Variants in RBFOX3 observed in about 807,000 individuals in gnomAD.
RBFOX3 encodes the protein RNA binding fox-1 homolog 3, also known as RNA binding protein fox-1 homolog 3.
A neutral mutation model predicts 48.7 loss-of-function variants in RBFOX3; 17 were observed. The ratio of observed to expected loss-of-function variants is 0.35; its 90% confidence interval spans 0.24 to 0.52. The LOEUF is 0.52. Ranked by LOEUF, RBFOX3 falls within the 20% of genes least tolerant of loss-of-function variation. RBFOX3 has a pLI of 0.94. For missense variants in RBFOX3, 382 were observed against 497.5 expected (o/e 0.77, Z 2.21); for synonymous variants, 212 against 209.5 (o/e 1.01, Z -0.10).
chr17:79,606,914 C>T (rs1250574158), intron 1 of RBFOX3, among the ~76,000 whole-genome samples: 7 of 152,084 alleles, frequency 4.6e-5, no homozygotes, highest in South Asian at 2.1e-4. Flanking sequence ...AAGAGATAGA[C>T]GGACAGGGAG....
At chr17:79,611,169 T>TCTCTCTCGCTCTCGCTCTCG, upstream of RBFOX3, among the ~76,000 whole-genome samples, 208 of 25,934 alleles carry the variant, frequency 8.0e-3, 38 homozygotes, top group Non-Finnish European at 0.013. Context: ...TCTCTCTCTC[T>TCTCTCTCGCTCTCGCTCTCG]CTCTCCGCCC....
chr17:79,440,030 GC>G (rs1355352463), intron 2 of RBFOX3, among the ~76,000 whole-genome samples: 12 of 65,114 alleles, frequency 1.8e-4, no homozygotes, highest in African/African-American at 7.0e-4. Flanking sequence ...TCATGAGGCT[GC>G]CCGAGCCTCA....
At chr17:79,108,550 T>C (rs950398998) in intron 5 of RBFOX3, among the ~76,000 whole-genome samples, 1 of 152,116 alleles carries the variant, frequency 6.6e-6, no homozygotes, top group Non-Finnish European at 1.5e-5. Context: ...GCAAAGGAAA[T>C]GGAGCCAGGG....
At position 79,477,886 on chromosome 17, in the gene RBFOX3, G is replaced by C. The variant is rs2078170035; in HGVS notation, c.-175+4568C>G. Among the ~76,000 whole-genome samples, 1 of 152,164 alleles carries C rather than the reference G, an allele frequency of 6.6e-6. No individual in the cohort carries two copies. The highest frequency in any genetic ancestry group is 2.4e-5 in the African/African-American group (1 of 41,442). On this transcript the variant is annotated intron_variant, in intron 2 of 14. Coordinates refer to ENST00000693108, the MANE Select transcript of RBFOX3 (RefSeq NM_001350451.2). This position sits in a 1 kb window ranked among gnomAD's most constrained non-coding sequence, Gnocchi z 4.8. ...AATATTGGATCCAAGAAGGAAATAA[G>C]ATGCCCCTGTAGGAAGGAGAGACCC...
the RBFOX3 span, among the ~76,000 whole-genome samples, chr17:79,625,491 A>T: frequency 2.0e-5 from 3 of 152,316 alleles, no homozygotes; most frequent in Non-Finnish European, 4.4e-5. Flanking sequence ...TTTTATTTTT[A>T]AAAATAAGTG....
intron 1 of RBFOX3, among the ~76,000 whole-genome samples, chr17:79,604,466 T>C (rs1179618256): frequency 2.1e-5 from 3 of 146,330 alleles, no homozygotes; most frequent in Non-Finnish European, 4.5e-5. Context: ...TTCTTGCCAT[T>C]GCTTTTTAAA....
At chr17:79,173,848 T>C (rs9907316) in intron 4 of RBFOX3, among the ~76,000 whole-genome samples, 86,937 of 149,982 alleles carry the variant, frequency 0.58, 25,227 homozygotes, top group East Asian at 0.64. Flanking sequence ...CATGGGTCAT[T>C]CTGAGACCCT....
At chr17:79,515,057 A>C (rs909772640) in intron 1 of RBFOX3, among the ~76,000 whole-genome samples, 17 of 152,162 alleles carry the variant, frequency 1.1e-4, no homozygotes, top group Admixed American at 7.9e-4. Flanking sequence ...CTGAGGCAGA[A>C]GTTGGCCTCT....
intron 2 of RBFOX3, among the ~76,000 whole-genome samples, chr17:79,375,340 CCA>C (rs1285216243): frequency 7.0e-6 from 1 of 143,790 alleles, no homozygotes; most frequent in African/African-American, 2.6e-5. Flanking sequence ...AGCTGCTGGT[CCA>C]GTTAGGAAGA....
At chr17:79,474,636 G>C (rs1030267730) in intron 2 of RBFOX3, among the ~76,000 whole-genome samples, 1 of 151,928 alleles carries the variant, frequency 6.6e-6, no homozygotes, top group Admixed American at 6.6e-5. Context: ...GTGTACCCAG[G>C]ATCTATTTTC....
chr17:79,650,533 G>A, the RBFOX3 span, among the ~76,000 whole-genome samples: 1 of 152,114 alleles, frequency 6.6e-6, no homozygotes, highest in Non-Finnish European at 1.5e-5. Flanking sequence ...ATTTCCACTA[G>A]GACGTGAACC....
the RBFOX3 span, among the ~76,000 whole-genome samples, chr17:79,617,000 C>T: frequency 6.6e-6 from 1 of 152,204 alleles, no homozygotes; most frequent in African/African-American, 2.4e-5. Flanking sequence ...CACACCCAGC[C>T]TCAGCCTCAG....
chr17:79,268,335 A>C (rs2067084899), intron 3 of RBFOX3, among the ~76,000 whole-genome samples: 1 of 151,892 alleles, frequency 6.6e-6, no homozygotes, highest in Non-Finnish European at 1.5e-5. Context: ...CCCCTACTCA[A>C]AAGTTCTCCC....
intron 2 of RBFOX3, among the ~76,000 whole-genome samples, chr17:79,397,534 AG>A (rs375979495): frequency 1.3e-5 from 2 of 150,142 alleles, no homozygotes; most frequent in African/African-American, 4.9e-5. Flanking sequence ...CCAGAAGTTT[AG>A]AAAAGCCCAT....
chr17:79,390,111 C>A lies in RBFOX3; in HGVS notation c.-174-82287G>T, dbSNP rs2061188895. On this transcript the variant is annotated intron_variant, in intron 2 of 14. Coordinates refer to ENST00000693108, the MANE Select transcript of RBFOX3 (RefSeq NM_001350451.2). The surrounding 1 kb of genome is among the most constrained non-coding windows in gnomAD (Gnocchi z 4.2). ...GCAGCCTCCGGGTCTCCGTAGCCAG[C>A]CACCCGGCCGAGGGGCTGGGTCCAC... Among the ~76,000 whole-genome samples the A allele has an allele frequency of 6.6e-6, 1 of 152,192 alleles. No homozygotes were observed. The highest frequency in any genetic ancestry group is 1.5e-5 in the Non-Finnish European group (1 of 68,046).
chr17:79,562,680 G>A (rs1376462405), intron 1 of RBFOX3, among the ~76,000 whole-genome samples: 1 of 152,186 alleles, frequency 6.6e-6, no homozygotes, highest in Non-Finnish European at 1.5e-5. Context: ...GTCTGGGGGC[G>A]CCAGAGAAAG....
the RBFOX3 span, among the ~76,000 whole-genome samples, chr17:79,639,731 G>GA: frequency 6.6e-6 from 1 of 152,246 alleles, no homozygotes; most frequent in African/African-American, 2.4e-5. Context: ...GAATGAAAGG[G>GA]AAAATCTATA....
At chr17:79,553,290 T>G (rs2091324032) in intron 1 of RBFOX3, among the ~76,000 whole-genome samples, 1 of 152,242 alleles carries the variant, frequency 6.6e-6, no homozygotes, top group African/African-American at 2.4e-5. Context: ...TTCTTCCTAT[T>G]AAACCATTCT....
chr17:79,183,559 C>G (rs909763865), intron 4 of RBFOX3: 1 of 152,130 alleles, frequency 6.6e-6, no homozygotes, highest in Non-Finnish European at 1.5e-5. Context: ...GGTGTTCCCC[C>G]TGCCCGGGCG....
Sources: allele counts gnomAD v4.1 joint callset (sites outside exome capture counted in the v4.1 genomes callset), GRCh38; gene constraint gnomAD v4.1.1; non-coding constraint Gnocchi (gnomAD v3.1); transcripts MANE v1.5; gene names NCBI Gene and HGNC (gene_info 2026-07-23, HGNC 2026-07-21).